Variants in ABAT observed in about 807,000 individuals in gnomAD.
The protein encoded by ABAT is 4-aminobutyrate aminotransferase, mitochondrial.
Under a neutral mutation model 64.6 loss-of-function variants are expected in ABAT, and 45 were observed. The ratio of observed to expected loss-of-function variants is 0.70; its 90% CI spans 0.55 to 0.89. ABAT has a LOEUF of 0.89. Among genes scored for constraint, ABAT ranks in the 40% least tolerant of loss-of-function variants. The pLI is 0.00. For missense variants in ABAT, 633 were observed against 658.4 expected, an observed-to-expected ratio of 0.96 and a Z score of 0.42; for synonymous variants, 297 against 250.5, an observed-to-expected ratio of 1.19 and a Z score of -1.75.
rs759709009 is a variant in ABAT, at chr16:8,781,280, G to A, written c.1382-29G>A. The A allele has an allele frequency of 6.2e-6, 10 of 1,613,594 alleles. No homozygotes were observed. Among genetic ancestry groups the A allele is most frequent in the African/African-American group, 2.7e-5 (2 of 74,880 alleles). Reference sequence around the variant, plus strand: ...CCAGCATGTGACTTTGAGAAACCACGCTCCTCACCTACCTCCTGCCTCTTT... The same window carrying A: ...CCAGCATGTGACTTTGAGAAACCACACTCCTCACCTACCTCCTGCCTCTTT... On this transcript the variant is annotated intron_variant, in intron 15 of 15. Transcript: ENST00000268251. This position sits in a 1 kb window ranked among gnomAD's most constrained non-coding sequence, Gnocchi z 4.5.
chr16:8,755,133 C>A (rs7185579), intron 5 of ABAT, among the ~76,000 whole-genome samples: 2 of 150,522 alleles, frequency 1.3e-5, no homozygotes, highest in Non-Finnish European at 3.0e-5. Flanking sequence ...GTCGTTGATT[C>A]GTTTTTGTTT....
At chr16:8,697,443 A>G (rs1337910717) in intron 1 of ABAT, among the ~76,000 whole-genome samples, 1 of 152,126 alleles carries the variant, frequency 6.6e-6, no homozygotes, top group Non-Finnish European at 1.5e-5. Flanking sequence ...GCCACAGTCA[A>G]TTACAAGTGG....
chr16:8,750,149 G>A (rs900863688), intron 4 of ABAT, among the ~76,000 whole-genome samples: 3 of 152,178 alleles, frequency 2.0e-5, no homozygotes, highest in South Asian at 4.1e-4. Flanking sequence ...TAACAGAATC[G>A]ACTTCAGATT....
At position 8,738,016 on chromosome 16, in the gene ABAT, G is replaced by GAAAGAAAGAAAGAAAGAAAGAAAGAAA. The variant is rs377342959; in HGVS notation, c.70+2207_70+2208insAAAGAAAGAAAGAAAGAAAGAAAGAAA. 8.0e-4 allele frequency among the ~76,000 whole-genome samples: 46 copies of GAAAGAAAGAAAGAAAGAAAGAAAGAAA among 57,738 alleles called. 4 individuals carry two copies. The highest frequency in any genetic ancestry group is 1.5e-3 in the African/African-American group (23 of 14,916). 37.9% of individuals were successfully genotyped at this position (57,738 alleles called of 152,430 possible). A position where few individuals can be genotyped will look rare whatever the true frequency, so the allele number is the denominator to read the frequency against. On this transcript the variant is annotated intron_variant, in intron 2 of 15. Transcript: ENST00000268251. ...GGAAAGAAAGAAAGAAAGAAAGAAA[G>GAAAGAAAGAAAGAAAGAAAGAAAGAAA]GAAAGAAAGAAAGAAGGACAGACAG...
At chr16:8,771,347 G>A (rs2060100733) in intron 11 of ABAT, among the ~76,000 whole-genome samples, 1 of 151,786 alleles carries the variant, frequency 6.6e-6, no homozygotes, top group Non-Finnish European at 1.5e-5. Context: ...TCCTTGGGGT[G>A]ACTGGTGGAG....
At position 8,695,200 on chromosome 16, in the gene ABAT, C is replaced by A. The variant is rs140278220; in HGVS notation, c.-42+20489C>A. Among the ~76,000 whole-genome samples the A allele has an allele frequency of 2.4e-3, 364 of 152,256 alleles. 2 individuals carry two copies. Among genetic ancestry groups the A allele is most frequent in the Middle Eastern group, 0.02 (6 of 294 alleles). On this transcript the variant is annotated intron_variant, in intron 1 of 15. Coordinates refer to ENST00000268251, the MANE Select transcript of ABAT (RefSeq NM_020686.6). ...AAGTAAGAGCAGCATGTCAAAGCTA[C>A]GCGGTTTTGGGAGAAAGTGCTGAGT...
intron 13 of ABAT, among the ~76,000 whole-genome samples, chr16:8,775,593 G>T (rs1340800723): frequency 1.3e-5 from 2 of 151,906 alleles, no homozygotes; most frequent in Non-Finnish European, 1.5e-5. Flanking sequence ...CAGCCATCAG[G>T]GGCCAACGTC....
chr16:8,734,278 C>T (rs556187609), intron 1 of ABAT, among the ~76,000 whole-genome samples: 2 of 152,326 alleles, frequency 1.3e-5, no homozygotes, highest in Admixed American at 6.5e-5. Context: ...TGTTATGATT[C>T]ATTTCATTCT....
In ABAT at chr16:8,782,253, G is replaced by C. The variant is rs968143808; in HGVS notation, c.*823G>C. The C allele has an allele frequency of 1.3e-5, 2 of 152,418 alleles. No individual in the cohort carries two copies. The highest frequency in any genetic ancestry group is 2.9e-5 in the Non-Finnish European group (2 of 68,230). 9.4% of individuals were successfully genotyped at this position (152,418 alleles called of 1,614,324 possible). ...TGAGTGTCCACAGGGACACACGTGAGCCACAGGGCTAGAAGCACAGGCCCG... is the reference window on the plus strand; with the variant it reads ...TGAGTGTCCACAGGGACACACGTGACCCACAGGGCTAGAAGCACAGGCCCG... On this transcript the variant is annotated 3_prime_UTR_variant, in exon 16 of 16. Transcript: ENST00000268251.
intron 1 of ABAT, among the ~76,000 whole-genome samples, chr16:8,684,994 A>C (rs528085922): frequency 3.3e-5 from 5 of 152,122 alleles, no homozygotes; most frequent in Non-Finnish European, 7.4e-5. Flanking sequence ...GTTTGAAAAT[A>C]ATGAACAAGG....
At chr16:8,728,448 CCT>C (rs923595326) in intron 1 of ABAT, among the ~76,000 whole-genome samples, 6 of 152,240 alleles carry the variant, frequency 3.9e-5, no homozygotes, top group African/African-American at 1.4e-4. Flanking sequence ...CTCAGTGCTC[CCT>C]GTTTCAGACA....
intron 1 of ABAT, among the ~76,000 whole-genome samples, chr16:8,698,325 C>T (rs531529377): frequency 1.9e-4 from 29 of 151,968 alleles, no homozygotes; most frequent in African/African-American, 6.7e-4. Context: ...TTGTTTCCCC[C>T]TTCTGGCTCT....
At position 8,722,770 on chromosome 16, in the gene ABAT, C is replaced by A. The variant is rs112483456; in HGVS notation, c.-41-12929C>A. 333 of 1,267,832 alleles carry A rather than the reference C, an allele frequency of 2.6e-4. 2 individuals carry two copies. In the African/African-American group the frequency reaches 4.8e-3, roughly 18 times the overall value. The allele number at this position is 1,267,832 out of a possible 1,614,324, so 78.5% of individuals were successfully genotyped here. On this transcript the variant is annotated intron_variant, in intron 1 of 15. Coordinates refer to ENST00000268251, the MANE Select transcript of ABAT (RefSeq NM_020686.6). Reference sequence around the variant, plus strand: ...CTTCACCTGCTTCTTTCCCCAGATGCGCCCATCCAGGGTCTAGCGGATTGC... The same window carrying A: ...CTTCACCTGCTTCTTTCCCCAGATGAGCCCATCCAGGGTCTAGCGGATTGC...
intron 2 of ABAT, among the ~76,000 whole-genome samples, chr16:8,743,477 A>C (rs2059234391): frequency 7.6e-6 from 1 of 131,872 alleles, no homozygotes. Context: ...TATAATATAT[A>C]TTTTAGTTAT....
rs766173862 is a variant in ABAT at position 8,766,275 on chromosome 16, G to A, written c.603+5G>A. On this transcript the variant is annotated splice_donor_5th_base_variant and intron_variant, in intron 9 of 15. Transcript: ENST00000268251. ...GAGACGTGCATGATTAACCAGGTGAGTGCAGCTGGGCTTGCACCACGTACA... is the reference window on the plus strand; with the variant it reads ...GAGACGTGCATGATTAACCAGGTGAATGCAGCTGGGCTTGCACCACGTACA... The A allele has an allele frequency of 6.2e-7, 1 of 1,613,612 alleles. No individual in the cohort carries two copies. The highest frequency in any genetic ancestry group is 1.1e-5 in the South Asian group (1 of 91,034).
intron 1 of ABAT, chr16:8,722,798 A>G (rs1341107163): frequency 1.1e-4 from 147 of 1,288,786 alleles, no homozygotes; most frequent in Non-Finnish European, 1.4e-4. Flanking sequence ...CGGATTGCAA[A>G]GGGCCTGGTA....
intron 13 of ABAT, among the ~76,000 whole-genome samples, 153 bp downstream of exon 13, chr16:8,775,210 T>C (rs375295638): frequency 1.3e-5 from 2 of 152,316 alleles, no homozygotes; most frequent in African/African-American, 2.4e-5. Context: ...CAATTAGCAG[T>C]GGTGTGCCCT....
chr16:8,722,744 C>G (rs960087380), intron 1 of ABAT: 5 of 1,169,150 alleles, frequency 4.3e-6, no homozygotes, highest in African/African-American at 1.6e-5. Context: ...AACCAGGAAT[C>G]CTTCACCTGC....
intron 5 of ABAT, among the ~76,000 whole-genome samples, chr16:8,756,002 T>TCA (rs1475910550): frequency 1.9e-4 from 29 of 151,986 alleles, no homozygotes; most frequent in African/African-American, 6.0e-4. Flanking sequence ...TGAGCCGAGA[T>TCA]TGCTCCACTT....
Sources: gnomAD v4.1 joint callset for allele counts (sites outside exome capture counted in the v4.1 genomes callset) on GRCh38, gnomAD v4.1.1 for gene constraint, Gnocchi (gnomAD v3.1) non-coding constraint, MANE v1.5 for transcripts, NCBI Gene and HGNC (gene_info 2026-07-23, HGNC 2026-07-21) for gene names.